MID1: variants seen among roughly 807,000 people sequenced by gnomAD.
The protein encoded by MID1 is midline 1, also known as E3 ubiquitin-protein ligase Midline-1.
In MID1, 7 loss-of-function variants were observed where a neutral mutation model predicts 40.4. That is an observed-to-expected ratio of 0.17 (90% CI 0.10 to 0.33). The LOEUF is 0.33. MID1 is among the 10% of genes least tolerant of loss of function. The pLI, the probability that MID1 is intolerant of heterozygous loss-of-function variation, is 1.00. For synonymous variants in MID1, 229 were observed against 221.2 expected, an observed-to-expected ratio of 1.04 and a Z score of -0.31; for missense variants, 367 against 558.5, an observed-to-expected ratio of 0.66 and a Z score of 3.46.
intron 1 of MID1, among the ~76,000 whole-genome samples, chrX:10,772,206 T>C (rs1036549828): frequency 9.0e-6 from 1 of 111,072 alleles, no homozygotes; most frequent in Non-Finnish European, 1.9e-5. Context: ...TTTCATCATA[T>C]ATATGATGGA....
chrX:10,715,153 C>T (rs2043292188), intron 1 of MID1, among the ~76,000 whole-genome samples: 3 of 112,336 alleles, frequency 2.7e-5, no homozygotes, highest in Admixed American at 9.4e-5. Flanking sequence ...GCATTTCCAA[C>T]TGAGGTACCA....
rs747543268 is a variant in MID1, at chrX:10,768,483, C to T, written c.-187+65071G>A. 5.4e-5 allele frequency among the ~76,000 whole-genome samples: 6 copies of T among 111,627 alleles called. No homozygotes were observed. The East Asian group carries it at 1.7e-3, about 31-fold the overall frequency. On this transcript the variant is annotated intron_variant, in intron 1 of 10. Transcript: ENST00000380785. ...AGGATGCTGAGGATATAGAATCAGT[C>T]CCTATCTTATCATCTTGTGTCACTG... is the stretch of plus-strand genomic sequence containing the variant.
At chrX:10,668,484 T>G (rs1359824852) in intron 1 of MID1, among the ~76,000 whole-genome samples, 4 of 112,235 alleles carry the variant, frequency 3.6e-5, no homozygotes, top group Non-Finnish European at 7.5e-5. Context: ...TAAGGTAAAG[T>G]TCACATAATT....
chrX:10,516,340 G>T (rs1316378061), intron 3 of MID1, among the ~76,000 whole-genome samples: 1 of 103,383 alleles, frequency 9.7e-6, no homozygotes, highest in African/African-American at 3.6e-5. Flanking sequence ...GACTACAGGC[G>T]CCCGCCACCA....
chrX:10,798,654 C>G (rs1157529519), intron 1 of MID1, among the ~76,000 whole-genome samples: 2 of 111,537 alleles, frequency 1.8e-5, no homozygotes, highest in African/African-American at 6.5e-5. Flanking sequence ...CCACTCTGAG[C>G]TCATCAGTCC....
chrX:10,732,688 C>G (rs115317275), intron 1 of MID1, among the ~76,000 whole-genome samples: 4,261 of 111,581 alleles, frequency 0.038, 173 homozygotes, highest in African/African-American at 0.13. Flanking sequence ...CAATCCTTAA[C>G]AGAATAACAA....
intron 1 of MID1, among the ~76,000 whole-genome samples, chrX:10,676,523 G>A (rs960051548): frequency 8.9e-6 from 1 of 111,866 alleles, no homozygotes; most frequent in African/African-American, 3.3e-5. Flanking sequence ...CAACCCCTCA[G>A]CTGCTCTAGG....
chrX:10,547,622 G>A (rs1475576863), intron 2 of MID1, among the ~76,000 whole-genome samples: 2 of 67,740 alleles, frequency 3.0e-5, no homozygotes, highest in Non-Finnish European at 2.8e-5. Flanking sequence ...GGTAAAGAAA[G>A]GAAGAGAAAG....
intron 1 of MID1, among the ~76,000 whole-genome samples, chrX:10,675,334 A>C (rs2043015656): frequency 8.9e-6 from 1 of 112,308 alleles, no homozygotes. Context: ...CCCCTAAATT[A>C]GGCAGCACTC....
chrX:10,477,596 T>C (rs1930083524), intron 5 of MID1, among the ~76,000 whole-genome samples: 1 of 112,507 alleles, frequency 8.9e-6, no homozygotes, highest in African/African-American at 3.2e-5. Flanking sequence ...CAAATCCTTA[T>C]TGCCCATCTT....
Position 10,567,364 on chromosome X carries a change from C to T in MID1, c.184G>A (p.Val62Ile), listed in dbSNP as rs1019282832. Residue 62 changes from valine (V) to isoleucine (I), a missense_variant, in exon 2 of 10, where the codon GTC becomes ATC. Coordinates refer to ENST00000317552, the MANE Select transcript of MID1 (RefSeq NM_000381.4). ...AGACCTCGCTGGCTGAGGGTGATGA[C>T]ATGCCGGCAGGTGGGGCACTGGAAG... ...TAFQCPTCRH[V>I]ITLSQRGLDG... 1.7e-6 allele frequency: 2 copies of T among 1,199,289 alleles called. No individual in the cohort carries two copies. Among genetic ancestry groups the T allele is most frequent in the Non-Finnish European group, 2.3e-6 (2 of 887,936 alleles).
intron 1 of MID1, among the ~76,000 whole-genome samples, chrX:10,626,311 CTATTATTATTAT>C (rs772195870): frequency 8.8e-5 from 9 of 101,842 alleles, no homozygotes; most frequent in Non-Finnish European, 1.6e-4. Flanking sequence ...TCATATGAAA[CTATTATTATTAT>C]TATTATTATT....
intron 1 of MID1, among the ~76,000 whole-genome samples, chrX:10,691,438 C>G (rs1048980572): frequency 1.8e-5 from 2 of 111,396 alleles, no homozygotes; most frequent in Non-Finnish European, 1.9e-5. Flanking sequence ...TATCAGTTCC[C>G]AAAATTAATA....
At chrX:10,627,579 T>C (rs912073327) in intron 1 of MID1, among the ~76,000 whole-genome samples, 1 of 112,098 alleles carries the variant, frequency 8.9e-6, no homozygotes, top group African/African-American at 3.2e-5. Context: ...GGTTTTTGTA[T>C]GACTAGGAAT....
At chrX:10,583,113 T>C (rs1368328880) in intron 1 of MID1, among the ~76,000 whole-genome samples, 2 of 111,697 alleles carry the variant, frequency 1.8e-5, no homozygotes, top group East Asian at 2.8e-4. Flanking sequence ...CTGGTATTTT[T>C]TGAGGTCATT....
chrX:10,465,133 G>T (rs896335670), intron 7 of MID1, among the ~76,000 whole-genome samples: 2 of 101,897 alleles, frequency 2.0e-5, no homozygotes, highest in Admixed American at 2.2e-4. Flanking sequence ...GTAGTGAGCC[G>T]AGATCATGAC....
chrX:10,730,870 G>A (rs1007387592), intron 1 of MID1, among the ~76,000 whole-genome samples: 5 of 111,099 alleles, frequency 4.5e-5, no homozygotes, highest in African/African-American at 9.8e-5. Flanking sequence ...CACTGCGCCC[G>A]GCAAGATCAG....
chrX:10,773,562 A>T (rs1197913332), intron 1 of MID1, among the ~76,000 whole-genome samples: 1 of 112,562 alleles, frequency 8.9e-6, no homozygotes, highest in Non-Finnish European at 1.9e-5. Flanking sequence ...TGTTAATCAA[A>T]CTTTCTCTGA....
At chrX:10,689,631 G>A (rs1385655626) in intron 1 of MID1, among the ~76,000 whole-genome samples, 1 of 110,696 alleles carries the variant, frequency 9.0e-6, no homozygotes, top group Non-Finnish European at 1.9e-5. Flanking sequence ...CTATCTGCCT[G>A]TCTAGTCTTT....
Sources: allele counts gnomAD v4.1 joint callset (sites outside exome capture counted in the v4.1 genomes callset), GRCh38; gene constraint gnomAD v4.1.1; transcripts MANE v1.5; gene names NCBI Gene and HGNC (gene_info 2026-07-23, HGNC 2026-07-21).